The following NLGN1 variants were observed in gnomAD, a reference collection of about 807,000 sequenced individuals.
NLGN1 encodes the protein neuroligin-1.
In NLGN1, 12 loss-of-function variants were observed where a neutral mutation model predicts 65.5. The ratio of observed to expected loss-of-function variants is 0.18; its 90% CI spans 0.12 to 0.30. The LOEUF (loss-of-function observed/expected upper bound fraction) is 0.30. NLGN1 is among the 10% of genes least tolerant of loss of function. NLGN1 has a pLI of 1.00. For synonymous variants in NLGN1, 350 were observed against 359.5 expected (o/e 0.97, Z 0.30); for missense variants, 750 against 1,007.1 (o/e 0.74, Z 3.46).
intron 4 of NLGN1, among the ~76,000 whole-genome samples, chr3:174,233,354 C>G (rs1223504507): frequency 6.6e-6 from 1 of 151,772 alleles, no homozygotes; most frequent in Non-Finnish European, 1.5e-5. Context: ...GGAGTGGTGG[C>G]GCATGCCTGT....
At chr3:173,518,407 T>C (rs906669092) in intron 2 of NLGN1, among the ~76,000 whole-genome samples, 2 of 151,406 alleles carry the variant, frequency 1.3e-5, no homozygotes, top group African/African-American at 4.8e-5. Flanking sequence ...TGTATATACA[T>C]ATATAGTTAC....
chr3:174,215,976 A>G (rs887222546), intron 4 of NLGN1, among the ~76,000 whole-genome samples: 1 of 152,106 alleles, frequency 6.6e-6, no homozygotes, highest in African/African-American at 2.4e-5. Flanking sequence ...TCAACAGTCA[A>G]ATCTTCTTAA....
chr3:173,616,945 A>G (rs560523142), intron 3 of NLGN1, among the ~76,000 whole-genome samples: 6 of 152,156 alleles, frequency 3.9e-5, no homozygotes, highest in East Asian at 1.9e-4. Context: ...GTAAGACTCT[A>G]CGTAGTAACT....
chr3:174,276,151 T>C (rs1577762044), intron 5 of NLGN1, among the ~76,000 whole-genome samples: 1 of 151,862 alleles, frequency 6.6e-6, no homozygotes, highest in Admixed American at 6.6e-5. Context: ...GCATTATTTT[T>C]CCCCCTAAAC....
intron 3 of NLGN1, among the ~76,000 whole-genome samples, chr3:173,627,447 C>T (rs1755002776): frequency 6.6e-6 from 1 of 152,040 alleles, no homozygotes; most frequent in Non-Finnish European, 1.5e-5. Flanking sequence ...TTTCTCAATG[C>T]ACACTTAGGT....
intron 4 of NLGN1, among the ~76,000 whole-genome samples, chr3:173,881,054 A>AT (rs974612956): frequency 6.8e-6 from 1 of 146,714 alleles, no homozygotes; most frequent in Non-Finnish European, 1.5e-5. Flanking sequence ...TTATCATGAG[A>AT]TTGCAGCAAT....
intron 4 of NLGN1, among the ~76,000 whole-genome samples, chr3:174,015,324 C>T (rs766913169): frequency 2.6e-5 from 4 of 152,138 alleles, no homozygotes; most frequent in Non-Finnish European, 5.9e-5. Context: ...GATACTTGAA[C>T]TCTGAGGTCA....
At chr3:173,852,311 G>C (rs1187501361) in intron 4 of NLGN1, among the ~76,000 whole-genome samples, 128 of 119,618 alleles carry the variant, frequency 1.1e-3, no homozygotes, top group African/African-American at 3.7e-3. Context: ...AGCCGAGATC[G>C]CGCCACTGCA....
intron 4 of NLGN1, among the ~76,000 whole-genome samples, chr3:174,260,648 T>C (rs972256861): frequency 1.5e-5 from 2 of 136,892 alleles, no homozygotes; most frequent in Non-Finnish European, 3.1e-5. Context: ...CTGTTCACTC[T>C]GATGGTAGTT....
chr3:173,498,623 C>G (rs1374874397), intron 2 of NLGN1, among the ~76,000 whole-genome samples: 2 of 151,758 alleles, frequency 1.3e-5, no homozygotes, highest in African/African-American at 4.9e-5. Flanking sequence ...CCTGAGGAAT[C>G]ACCACACTGA....
intron 4 of NLGN1, among the ~76,000 whole-genome samples, chr3:173,886,928 A>T (rs1489923128): frequency 1.3e-5 from 2 of 152,112 alleles, no homozygotes; most frequent in East Asian, 1.9e-4. Context: ...AAATTGATTT[A>T]AAAAATATGG....
At chr3:174,071,697 C>G (rs901331043) in intron 4 of NLGN1, among the ~76,000 whole-genome samples, 9 of 147,848 alleles carry the variant, frequency 6.1e-5, no homozygotes, top group African/African-American at 2.3e-4. Context: ...CACAGCGAGA[C>G]CCTTTGCGAG....
intron 3 of NLGN1, among the ~76,000 whole-genome samples, chr3:173,778,044 T>G (rs1443765836): frequency 6.6e-6 from 1 of 151,868 alleles, no homozygotes; most frequent in Non-Finnish European, 1.5e-5. Flanking sequence ...CAAATTCACT[T>G]TTCACTTGAA....
intron 2 of NLGN1, among the ~76,000 whole-genome samples, chr3:173,490,117 T>C (rs1728864440): frequency 6.6e-6 from 1 of 152,226 alleles, no homozygotes; most frequent in African/African-American, 2.4e-5. Flanking sequence ...ATTTTGTCTT[T>C]TGTTGCCATT....
At chr3:173,743,409 A>G (rs1774929142) in intron 3 of NLGN1, among the ~76,000 whole-genome samples, 1 of 151,992 alleles carries the variant, frequency 6.6e-6, no homozygotes, top group South Asian at 2.1e-4. Flanking sequence ...TTACTCTATT[A>G]TATTATATTA....
chr3:174,029,767 G>T (rs968527233), intron 4 of NLGN1, among the ~76,000 whole-genome samples: 2 of 152,178 alleles, frequency 1.3e-5, no homozygotes, highest in Non-Finnish European at 2.9e-5. Flanking sequence ...CCCCCATGCT[G>T]TTCTCATAGT....
intron 4 of NLGN1, among the ~76,000 whole-genome samples, chr3:173,867,694 G>A (rs1449751087): frequency 6.6e-6 from 1 of 151,958 alleles, no homozygotes; most frequent in East Asian, 1.9e-4. Flanking sequence ...TATGATAGTG[G>A]TGATGAAGGG....
At chr3:173,604,944 G>T in exon 3 of NLGN1, 1 of 1,613,708 alleles carries the variant, frequency 6.2e-7, no homozygotes. Flanking sequence ...ATTTGCTCCT[G>T]TGTGTCCCCA....
intron 4 of NLGN1, among the ~76,000 whole-genome samples, chr3:174,045,336 A>T (rs1004842052): frequency 6.6e-6 from 1 of 152,116 alleles, no homozygotes; most frequent in Non-Finnish European, 1.5e-5. Flanking sequence ...CCTTCTTCAC[A>T]TGACAGCAGG....
Sources: allele counts gnomAD v4.1 joint callset (sites outside exome capture counted in the v4.1 genomes callset), GRCh38; gene constraint gnomAD v4.1.1; transcripts MANE v1.5; gene names NCBI Gene and HGNC (gene_info 2026-07-23, HGNC 2026-07-21).